Variants in KLHL1 observed in about 807,000 individuals in gnomAD.
KLHL1 encodes the protein kelch-like protein 1.
A neutral mutation model predicts 77.7 loss-of-function variants in KLHL1; 47 were observed. The observed-to-expected ratio is 0.60, with a 90% CI of 0.48 to 0.77. The LOEUF (loss-of-function observed/expected upper bound fraction) is 0.77, where lower values mean the gene tolerates loss of function less well. Ranked by LOEUF, KLHL1 falls within the 30% of genes least tolerant of loss-of-function variation. The pLI, the probability that KLHL1 is intolerant of heterozygous loss-of-function variation, is 0.00. For missense variants in KLHL1, 925 were observed against 910.8 expected, an observed-to-expected ratio of 1.02 and a Z score of -0.20; for synonymous variants, 360 against 325.2, an observed-to-expected ratio of 1.11 and a Z score of -1.15.
intron 1 of KLHL1, among the ~76,000 whole-genome samples, chr13:69,994,534 G>A (rs1885103113): frequency 1.3e-5 from 2 of 152,008 alleles, no homozygotes; most frequent in African/African-American, 4.8e-5. Flanking sequence ...TGCCCAAAGG[G>A]AAAATCACAA....
chr13:69,944,397 G>A (rs368927674), intron 3 of KLHL1, among the ~76,000 whole-genome samples: 58 of 152,224 alleles, frequency 3.8e-4, no homozygotes, highest in East Asian at 1.5e-3. Context: ...TTTGGCCTTC[G>A]CCCCATAGGT....
At chr13:69,797,713 C>T (rs1208848069) in intron 6 of KLHL1, among the ~76,000 whole-genome samples, 1 of 151,102 alleles carries the variant, frequency 6.6e-6, no homozygotes, top group Non-Finnish European at 1.5e-5. Flanking sequence ...CCTGTAGTCC[C>T]AGCTACTCAG....
rs953786466 is a variant in KLHL1 at position 69,970,382 on chromosome 13, A to G, written c.680+5238T>C. Among the ~76,000 whole-genome samples, 4 of 152,116 alleles carry G rather than the reference A, an allele frequency of 2.6e-5. No individual in the cohort carries two copies. In the South Asian group the frequency reaches 6.2e-4, roughly 24 times the overall value. ...CTTCCAGAGTCAAAATTATGAAAGT[A>G]TCATTGTGTTTCTTTCTACTTTGTT... On this transcript the variant is annotated intron_variant, in intron 2 of 10. Transcript: ENST00000377844.
At chr13:69,772,895 T>A (rs186913749) in intron 7 of KLHL1, among the ~76,000 whole-genome samples, 27 of 152,208 alleles carry the variant, frequency 1.8e-4, no homozygotes, top group African/African-American at 6.3e-4. Context: ...CACTAGAGTG[T>A]TTGATTCAAG....
Position 69,885,300 on chromosome 13 carries a change from A to G in KLHL1, c.1015-2805T>C, listed in dbSNP as rs115487198. Among the ~76,000 whole-genome samples, 683 of 152,264 alleles carry G rather than the reference A, an allele frequency of 4.5e-3. 7 individuals are homozygous for G. Among genetic ancestry groups the G allele is most frequent in the African/African-American group, 0.015 (643 of 41,552 alleles). ...AATATTCCAATAATTTTGTATTTTT[A>G]TAAGTTACACTAAATCTTTTGGTAA... On this transcript the variant is annotated intron_variant, in intron 4 of 10. Coordinates refer to ENST00000377844, the MANE Select transcript of KLHL1 (RefSeq NM_020866.3).
chr13:69,710,076 C>T (rs1038384852), intron 9 of KLHL1, among the ~76,000 whole-genome samples: 3 of 151,206 alleles, frequency 2.0e-5, no homozygotes, highest in African/African-American at 4.9e-5. Flanking sequence ...TATCATGTTG[C>T]AAATATAAGT....
At chr13:70,038,854 G>A (rs1273958722) in intron 1 of KLHL1, among the ~76,000 whole-genome samples, 1 of 151,954 alleles carries the variant, frequency 6.6e-6, no homozygotes, top group East Asian at 1.9e-4. Flanking sequence ...GCCTCCCATA[G>A]TGCTGGGATT....
chr13:70,058,218 C>T (rs1239373768), intron 1 of KLHL1, among the ~76,000 whole-genome samples: 3 of 152,030 alleles, frequency 2.0e-5, no homozygotes, highest in African/African-American at 7.3e-5. Context: ...TATTCAACAT[C>T]GTATTAGAAG....
In KLHL1 at chr13:70,108,193, G is replaced by T. The variant is rs929622124; in HGVS notation, c.-494C>A. 2 of 396,274 alleles carry T rather than the reference G, an allele frequency of 5.0e-6. No individual in the cohort carries two copies. The highest frequency in any genetic ancestry group is 3.6e-5 in the East Asian group (1 of 27,874). The allele number at this position is 396,274 out of a possible 1,614,324, so 24.5% of individuals were successfully genotyped here. On this transcript the variant is annotated 5_prime_UTR_variant, in exon 1 of 11. Transcript: ENST00000377844. The stretch of plus-strand genomic sequence containing the variant: ...GCTCAGAGTTCAGTGTCTGGAGAGC[G>T]CAGAGAGAAAGAGCCCCAAGTCTCG...
chr13:69,853,117 C>T (rs1320514861), intron 5 of KLHL1, among the ~76,000 whole-genome samples: 1 of 151,926 alleles, frequency 6.6e-6, no homozygotes, highest in Non-Finnish European at 1.5e-5. Context: ...AGTTGGTTGA[C>T]TTTTTCAAAA....
At chr13:69,734,294 G>A (rs940699857) in intron 8 of KLHL1, among the ~76,000 whole-genome samples, 1 of 152,084 alleles carries the variant, frequency 6.6e-6, no homozygotes, top group Non-Finnish European at 1.5e-5. Context: ...GTTTCCTGAG[G>A]CCTCCCTAGA....
chr13:69,962,817 TTTAA>T (rs1884108037), intron 2 of KLHL1, among the ~76,000 whole-genome samples: 1 of 152,122 alleles, frequency 6.6e-6, no homozygotes, highest in Admixed American at 6.6e-5. Flanking sequence ...GCTACAACTC[TTTAA>T]TTTTGTGTAA....
At chr13:69,821,771 G>A (rs545477576) in intron 6 of KLHL1, among the ~76,000 whole-genome samples, 16 of 152,094 alleles carry the variant, frequency 1.1e-4, no homozygotes, top group East Asian at 5.8e-4. Context: ...CCATTCCCCC[G>A]TTTTTACTTT....
At chr13:69,788,043 A>G (rs2138020311) in intron 7 of KLHL1, among the ~76,000 whole-genome samples, 1 of 152,338 alleles carries the variant, frequency 6.6e-6, no homozygotes. Context: ...AGAAATAGGA[A>G]CACTTTTACA....
intron 9 of KLHL1, among the ~76,000 whole-genome samples, chr13:69,716,632 A>G (rs1352546855): frequency 1.3e-5 from 2 of 152,112 alleles, no homozygotes; most frequent in Non-Finnish European, 2.9e-5. Context: ...ACTGGGATGC[A>G]GATGTGAGGG....
At chr13:69,824,704 G>A (rs1017384941) in intron 6 of KLHL1, among the ~76,000 whole-genome samples, 30 of 152,052 alleles carry the variant, frequency 2.0e-4, no homozygotes, top group Non-Finnish European at 3.4e-4. Context: ...CAAAACTAAC[G>A]TAGGTTGAAA....
rs4053611 is a variant in KLHL1, at chr13:70,082,311, T to TCACACACACACA, written c.497+24880_497+24891dup. On this transcript the variant is annotated intron_variant, in intron 1 of 10. Transcript: ENST00000377844. ...CAGGAGCCCTTCCTCCTTGGACCTG[T>TCACACACACACA]CACACACACACACACACACACACAC... is the stretch of plus-strand genomic sequence containing the variant. Among the ~76,000 whole-genome samples the TCACACACACACA allele has an allele frequency of 6.3e-5, 7 of 111,024 alleles. No individual in the cohort carries two copies. The South Asian group carries it at 1.2e-3, about 19-fold the overall frequency. The allele number at this position is 111,024 out of a possible 152,430, so 72.8% of individuals were successfully genotyped here.
At position 69,961,443 on chromosome 13, in the gene KLHL1, G is replaced by T; in HGVS notation, c.682C>A (p.Leu228Ile). 1.2e-6 allele frequency: 2 copies of T among 1,612,544 alleles called. No individual in the cohort carries two copies. The highest frequency in any genetic ancestry group is 1.7e-6 in the Non-Finnish European group (2 of 1,179,110). Residue 228 changes from leucine (L) to isoleucine (I), a missense_variant and splice_region_variant, in exon 3 of 11, where the codon CTT becomes ATT. Coordinates refer to ENST00000377844, the MANE Select transcript of KLHL1 (RefSeq NM_020866.3). ...VGNRKIPAHR[L>I]VLSSVSDYFA... ...TAGTCGGAGACTGAACTCAGAACAA[G>T]CCTGAAAGAGTCACAGGTTCTAATT... is the stretch of plus-strand genomic sequence containing the variant.
At chr13:69,713,497 T>G (rs1334446779) in intron 9 of KLHL1, among the ~76,000 whole-genome samples, 1 of 152,160 alleles carries the variant, frequency 6.6e-6, no homozygotes, top group Non-Finnish European at 1.5e-5. Context: ...GATATTGACT[T>G]TTATCATTTT....
Sources: gnomAD v4.1 joint callset for allele counts (sites outside exome capture counted in the v4.1 genomes callset) on GRCh38, gnomAD v4.1.1 for gene constraint, MANE v1.5 for transcripts, NCBI Gene and HGNC (gene_info 2026-07-23, HGNC 2026-07-21) for gene names.